RSRP1: variants seen among roughly 807,000 people sequenced by gnomAD.
RSRP1 encodes arginine/serine-rich protein 1.
RSRP1 carries 37 observed loss-of-function variants against 33.0 expected under a neutral mutation model. The observed-to-expected ratio is 1.12, with a 90% CI of 0.86 to 1.48. RSRP1 has a LOEUF of 1.48. Among genes scored for constraint, RSRP1 ranks in the 40% most tolerant of loss-of-function variants. The probability of loss-of-function intolerance (pLI) is 0.00; values close to 1 mark genes in which losing one functional copy is unlikely to be tolerated. For missense variants in RSRP1, 402 were observed against 385.3 expected (o/e 1.04, Z -0.36); for synonymous variants, 167 against 158.7 (o/e 1.05, Z -0.40).
At chr1:25,293,350 CTT>C (rs1278720414) in intron 1 of RSRP1, among the ~76,000 whole-genome samples, 6 of 112,162 alleles carry the variant, frequency 5.3e-5, no homozygotes, top group Admixed American at 1.7e-4. Flanking sequence ...GACAGTTCAT[CTT>C]TTTTTTTTTT....
At chr1:25,257,539 T>C (rs1639984643) in intron 1 of RSRP1, among the ~76,000 whole-genome samples, 1 of 152,024 alleles carries the variant, frequency 6.6e-6, no homozygotes, top group Non-Finnish European at 1.5e-5. Flanking sequence ...AAAAACTAGC[T>C]TGACTAGAGC....
intron 1 of RSRP1, chr1:25,266,750 A>T (rs1401400710): frequency 6.3e-6 from 1 of 158,442 alleles, no homozygotes; most frequent in Admixed American, 5.3e-5. Flanking sequence ...CTCCGCGACC[A>T]CTTCCTGGAT....
At chr1:25,244,688 A>G in intron 3 of RSRP1, 2 of 1,194,472 alleles carry the variant, frequency 1.7e-6, no homozygotes, top group Non-Finnish European at 2.1e-6. Context: ...AATGAAAAAA[A>G]TAAATGTATT....
chr1:25,332,709 G>T (rs900804363), intron 1 of RSRP1, among the ~76,000 whole-genome samples: 2 of 132,372 alleles, frequency 1.5e-5, no homozygotes, highest in African/African-American at 5.2e-5. Context: ...TATTCTAATG[G>T]AAAAAACAGA....
At chr1:25,281,140 C>G (rs1641458972) in intron 1 of RSRP1, among the ~76,000 whole-genome samples, 1 of 132,616 alleles carries the variant, frequency 7.5e-6, no homozygotes, top group African/African-American at 2.6e-5. Flanking sequence ...GAGCTAGAGA[C>G]AGCCTAGCCT....
At chr1:25,336,867 AT>A (rs1294624464) in intron 1 of RSRP1, among the ~76,000 whole-genome samples, 2 of 151,880 alleles carry the variant, frequency 1.3e-5, no homozygotes, top group Admixed American at 6.5e-5. Context: ...ATGCAGTTTT[AT>A]CTACTAATCG....
At position 25,300,932 on chromosome 1, in the gene RSRP1, G is replaced by A. The variant is rs1643336828; in HGVS notation, c.-67+37046C>T. On this transcript the variant is annotated intron_variant, in intron 1 of 1. Transcript: ENST00000561867. ...GATGCCGACACTCACTGCTCTTACT[G>A]GGTTTTATTGCAGACAGACTACCAC... is the stretch of plus-strand genomic sequence containing the variant. 8.7e-6 allele frequency: 12 copies of A among 1,377,084 alleles called. 2 individuals are homozygous for A. The East Asian group carries it at 2.5e-4, about 28-fold the overall frequency. 85.3% of individuals were successfully genotyped at this position (1,377,084 alleles called of 1,614,324 possible). A position where few individuals can be genotyped will look rare whatever the true frequency, so the allele number is the denominator to read the frequency against.
chr1:25,250,940 C>A (rs1161819154), upstream of RSRP1, among the ~76,000 whole-genome samples: 1 of 151,600 alleles, frequency 6.6e-6, no homozygotes, highest in Non-Finnish European at 1.5e-5. Flanking sequence ...ATCCAGGAGG[C>A]GGAGGTTGCA....
At position 25,276,033 on chromosome 1, in the gene RSRP1, T is replaced by C. The variant is rs1640929491; in HGVS notation, c.-66-29004A>G. Among the ~76,000 whole-genome samples, 4 of 132,416 alleles carry C rather than the reference T, an allele frequency of 3.0e-5. 1 individual carries two copies. The highest frequency in any genetic ancestry group is 3.0e-4 in the Admixed American group (4 of 13,554). The allele number at this position is 132,416 out of a possible 152,430, so 86.9% of individuals were successfully genotyped here. ...TAACTTAATCTGTCAATCCACTTAA[T>C]TGAATTCAGTCCTGGTAAACTATAA... On this transcript the variant is annotated intron_variant, in intron 1 of 1. Transcript: ENST00000561867.
intron 1 of RSRP1, among the ~76,000 whole-genome samples, chr1:25,333,657 C>T (rs930723188): frequency 7.6e-6 from 1 of 131,494 alleles, no homozygotes; most frequent in African/African-American, 2.6e-5. Flanking sequence ...AGTCTGTTCA[C>T]AAACCCCAGA....
Position 25,303,559 on chromosome 1 carries a change from G to C in RSRP1, c.-67+34419C>G, listed in dbSNP as rs1486928035. Reference sequence around the variant, plus strand: ...TGCAGTGCACAGCTGCATTAGGCAGGTGTCGGCGCATTCTCTTATTGGCTT... The same window carrying C: ...TGCAGTGCACAGCTGCATTAGGCAGCTGTCGGCGCATTCTCTTATTGGCTT... On this transcript the variant is annotated intron_variant, in intron 1 of 1. Transcript: ENST00000561867. 7.7e-6 allele frequency: 9 copies of C among 1,174,562 alleles called. No individual in the cohort carries two copies. The Admixed American group carries it at 1.5e-4, about 20-fold the overall frequency. The allele number at this position is 1,174,562 out of a possible 1,614,324, so 72.8% of individuals were successfully genotyped here. A position where few individuals can be genotyped will look rare whatever the true frequency, so the allele number is the denominator to read the frequency against.
intron 1 of RSRP1, chr1:25,337,877 C>A (rs987697312): frequency 6.7e-6 from 1 of 150,202 alleles, no homozygotes; most frequent in Admixed American, 6.6e-5. Context: ...ACCCGCCCCT[C>A]TCCCAGAGGT....
rs769626782 is a variant in RSRP1, at chr1:25,272,679, C to T, written c.-66-25650G>A. 25 of 1,551,388 alleles carry T rather than the reference C, an allele frequency of 1.6e-5. 1 individual carries two copies. The highest frequency in any genetic ancestry group is 5.2e-5 in the Admixed American group (3 of 57,882). On this transcript the variant is annotated intron_variant, in intron 1 of 1. Transcript: ENST00000561867. ...CTTCCTTAGAGGATCAAAAGGGGCT[C>T]GTGGCATCCTATCAAGGTGAGAGTT... is the stretch of plus-strand genomic sequence containing the variant.
Position 25,304,044 on chromosome 1 carries a change from G to A in RSRP1, c.-67+33934C>T, listed in dbSNP as rs573245857. Among the ~76,000 whole-genome samples, 817 of 84,192 alleles carry A rather than the reference G, an allele frequency of 9.7e-3. 56 individuals are homozygous for A. The highest frequency in any genetic ancestry group is 0.03 in the African/African-American group (761 of 25,006). The allele number at this position is 84,192 out of a possible 152,430, so 55.2% of individuals were successfully genotyped here. On this transcript the variant is annotated intron_variant, in intron 1 of 1. Coordinates refer to the RSRP1 transcript ENST00000561867. ...TGTGAGAGGAGCAGCACCCAGAAGA[G>A]GGAGTGCTGGGCTGATGGTCCAGGT...
At chr1:25,243,948 A>C in intron 3 of RSRP1, 1 of 1,161,054 alleles carries the variant, frequency 8.6e-7, no homozygotes, top group Non-Finnish European at 1.1e-6. Context: ...CGTTTTAAGA[A>C]ACTAAGGCAT....
rs1231452554 is a variant in RSRP1 at position 25,246,870 on chromosome 1, A to G, written c.94T>C (p.Ser32Pro). 1 of 1,610,274 alleles carries G rather than the reference A, an allele frequency of 6.2e-7. No homozygotes were observed. The highest frequency in any genetic ancestry group is 1.3e-5 in the African/African-American group (1 of 74,982). The change falls in exon 2 of 5, where the codon TCG (serine) becomes CCG (proline). Residue 32 changes from serine (S) to proline (P), a missense_variant. Ser to Pro is a moderately conservative substitution (Grantham distance 74). Coordinates refer to ENST00000243189, the MANE Select transcript of RSRP1 (RefSeq NM_020317.5). The stretch of plus-strand genomic sequence containing the variant: ...GAAAAAGAGCGGCTCCTAGACCGCG[A>G]CGACAGCCGGCTGGACCCGCCCGAC... ...SRSGGSSRLS[S>P]RSRSRSFSRS... is the part of the protein sequence containing the mutation.
At chr1:25,247,659 C>G (rs1346961362), upstream of RSRP1, 4 of 152,288 alleles carry the variant, frequency 2.6e-5, no homozygotes, top group African/African-American at 9.7e-5. Flanking sequence ...TTTGATACAT[C>G]AGGGTGTCCC....
At chr1:25,267,967 C>T (rs1640371217) in intron 1 of RSRP1, 2 of 133,612 alleles carry the variant, frequency 1.5e-5, no homozygotes, top group African/African-American at 2.6e-5. Flanking sequence ...CCGCCCTCCG[C>T]CCCGTGTCCG....
chr1:25,329,900 CT>C (rs1213518313), intron 1 of RSRP1: 1 of 131,588 alleles, frequency 7.6e-6, no homozygotes, highest in Non-Finnish European at 1.8e-5. Context: ...CATGATCAGC[CT>C]GCCTCGGCCT....
Sources: allele counts gnomAD v4.1 joint callset (sites outside exome capture counted in the v4.1 genomes callset), GRCh38; gene constraint gnomAD v4.1.1; transcripts MANE v1.5; gene names NCBI Gene and HGNC (gene_info 2026-07-23, HGNC 2026-07-21).